Variants in TCF7L2 observed in about 807,000 individuals in gnomAD.
The protein encoded by TCF7L2 is transcription factor 7-like 2.
TCF7L2 carries 23 observed loss-of-function variants against 77.9 expected under a neutral mutation model. That is an observed-to-expected ratio of 0.30 (90% CI 0.21 to 0.42). The LOEUF (loss-of-function observed/expected upper bound fraction) is 0.42. Among genes scored for constraint, TCF7L2 ranks in the 10% least tolerant of loss-of-function variants. The pLI is 1.00. For synonymous variants in TCF7L2, 413 were observed against 340.2 expected (o/e 1.21, Z -2.36); for missense variants, 654 against 793.1 (o/e 0.82, Z 2.11).
At chr10:112,953,466 A>G (rs1435378218) in intron 3 of TCF7L2, among the ~76,000 whole-genome samples, 15 of 152,126 alleles carry the variant, frequency 9.9e-5, no homozygotes, top group Admixed American at 7.9e-4. Context: ...TTCGCCTACC[A>G]ATAAACCGGA....
chr10:113,049,996 C>T (rs1330634581), intron 5 of TCF7L2, among the ~76,000 whole-genome samples: 3 of 152,150 alleles, frequency 2.0e-5, no homozygotes, highest in African/African-American at 7.2e-5. Flanking sequence ...CAGATGCTTC[C>T]CAACTGTGCC....
At chr10:113,158,808 A>G (rs1019735840) in intron 12 of TCF7L2, 91 bp downstream of exon 13, 12 of 1,322,858 alleles carry the variant, frequency 9.1e-6, no homozygotes, top group South Asian at 1.3e-5. Flanking sequence ...TTAAACACGT[A>G]TGACATTTGA....
chr10:112,997,932 C>A (rs2133267310), intron 4 of TCF7L2, among the ~76,000 whole-genome samples: 1 of 152,174 alleles, frequency 6.6e-6, no homozygotes, highest in Non-Finnish European at 1.5e-5. Context: ...CTTCAAATTT[C>A]TAAGTGTATT....
chr10:112,973,408 G>C (rs1160306204), intron 4 of TCF7L2, among the ~76,000 whole-genome samples: 1 of 152,102 alleles, frequency 6.6e-6, no homozygotes, highest in African/African-American at 2.4e-5. Context: ...ATCTCTGGGG[G>C]TTGTGGCCTG....
chr10:113,060,731 C>T (rs748350067), intron 5 of TCF7L2, among the ~76,000 whole-genome samples: 4 of 151,956 alleles, frequency 2.6e-5, no homozygotes, highest in Non-Finnish European at 4.4e-5. Context: ...TAAATTGGTA[C>T]GCTGTGTGAT....
chr10:113,003,160 T>C (rs889041069), intron 4 of TCF7L2, among the ~76,000 whole-genome samples: 17 of 152,196 alleles, frequency 1.1e-4, no homozygotes, highest in Non-Finnish European at 1.6e-4. Context: ...TTCTTCCACA[T>C]TGGATATGCA....
At chr10:113,019,065 T>A (rs980553871) in intron 4 of TCF7L2, among the ~76,000 whole-genome samples, 5 of 152,202 alleles carry the variant, frequency 3.3e-5, no homozygotes, top group African/African-American at 1.2e-4. Context: ...GCACCTGTCC[T>A]GGCAGATAGA....
At chr10:113,043,232 T>G (rs1302845550) in intron 5 of TCF7L2, among the ~76,000 whole-genome samples, 2 of 152,238 alleles carry the variant, frequency 1.3e-5, no homozygotes, top group Non-Finnish European at 2.9e-5. Context: ...AGTACCCATA[T>G]GGGGCAGAAT....
intron 3 of TCF7L2, among the ~76,000 whole-genome samples, chr10:112,955,832 C>T (rs568028384): frequency 6.6e-6 from 1 of 151,788 alleles, no homozygotes; most frequent in Non-Finnish European, 1.5e-5. Flanking sequence ...CAGTTCTGCA[C>T]GCCATTGAAA....
At chr10:112,990,965 C>T (rs538247792) in intron 4 of TCF7L2, among the ~76,000 whole-genome samples, 1 of 152,196 alleles carries the variant, frequency 6.6e-6, no homozygotes, top group African/African-American at 2.4e-5. Flanking sequence ...CCCTATTTTT[C>T]CAGCTCAGGA....
rs142291168 is a variant in TCF7L2, at chr10:113,144,485, C to T, written c.788+460C>T. Reference sequence around the variant, plus strand: ...TGGGGCACAGAAGCAGGAACAAGAACGGCCTTGTTTTGAAATCCAGGGTTG... The same window carrying T: ...TGGGGCACAGAAGCAGGAACAAGAATGGCCTTGTTTTGAAATCCAGGGTTG... On this transcript the variant is annotated intron_variant, in intron 7 of 13. Transcript: ENST00000627217. Among the ~76,000 whole-genome samples, 600 of 152,130 alleles carry T rather than the reference C, an allele frequency of 3.9e-3. 1 individual carries two copies. The highest frequency in any genetic ancestry group is 0.013 in the African/African-American group (550 of 41,498).
intron 4 of TCF7L2, chr10:112,987,587 C>G (rs1197263321): frequency 6.6e-6 from 1 of 152,066 alleles, no homozygotes; most frequent in East Asian, 1.9e-4. Context: ...CGTCCAGTTT[C>G]TAAGTGTGAT....
At chr10:113,096,184 G>A (rs964159717) in intron 5 of TCF7L2, among the ~76,000 whole-genome samples, 2 of 152,120 alleles carry the variant, frequency 1.3e-5, no homozygotes, top group Non-Finnish European at 2.9e-5. Context: ...CTGCAGGGGT[G>A]GTTTTGACTT....
At chr10:113,129,362 T>G in intron 5 of TCF7L2, 7 of 989,978 alleles carry the variant, frequency 7.1e-6, no homozygotes, top group Non-Finnish European at 8.4e-6. Context: ...GCTCTGTCCC[T>G]GCTGCCCAAG....
chr10:112,962,867 G>A (rs2035634364), intron 3 of TCF7L2, among the ~76,000 whole-genome samples: 1 of 152,174 alleles, frequency 6.6e-6, no homozygotes, highest in Non-Finnish European at 1.5e-5. Context: ...CCAAAGTGCT[G>A]GGATTACAGG....
chr10:113,138,401 C>G (rs1457555627), intron 5 of TCF7L2, among the ~76,000 whole-genome samples: 2 of 152,096 alleles, frequency 1.3e-5, no homozygotes, highest in African/African-American at 4.8e-5. Context: ...ATATGTATAT[C>G]TAAGAAGATG....
chr10:113,052,446 C>T (rs1010925012), intron 5 of TCF7L2, among the ~76,000 whole-genome samples: 2 of 152,164 alleles, frequency 1.3e-5, no homozygotes, highest in African/African-American at 4.8e-5. Flanking sequence ...CTGGATCTAT[C>T]GGAGCCCTGT....
rs77061681 is a variant in TCF7L2 at position 113,126,432 on chromosome 10, T to C, written c.553-14752T>C. Among the ~76,000 whole-genome samples, 62 of 152,288 alleles carry C rather than the reference T, an allele frequency of 4.1e-4. No homozygotes were observed. In the East Asian group the frequency reaches 0.011, roughly 27 times the overall value. On this transcript the variant is annotated intron_variant, in intron 5 of 13. Coordinates refer to ENST00000627217, the MANE Select transcript of TCF7L2 (RefSeq NM_001146274.2). Reference sequence around the variant, plus strand: ...ACTGCAAAGCATTACTTTCACCAACTTAGGTGAAGTTCTTTGGACTATTGA... The same window carrying C: ...ACTGCAAAGCATTACTTTCACCAACCTAGGTGAAGTTCTTTGGACTATTGA...
intron 5 of TCF7L2, among the ~76,000 whole-genome samples, chr10:113,068,885 G>C (rs534618658): frequency 6.6e-6 from 1 of 150,918 alleles, no homozygotes; most frequent in African/African-American, 2.4e-5. Flanking sequence ...TCCCTTTACC[G>C]TTGGCTCCCA....
Sources: gnomAD v4.1 joint callset for allele counts (sites outside exome capture counted in the v4.1 genomes callset) on GRCh38, gnomAD v4.1.1 for gene constraint, MANE v1.5 for transcripts, NCBI Gene and HGNC (gene_info 2026-07-23, HGNC 2026-07-21) for gene names.